Variants in ADAMTS19 observed in about 807,000 individuals in gnomAD.
ADAMTS19 encodes the protein A disintegrin and metalloproteinase with thrombospondin motifs 19.
Under a neutral mutation model 153.3 loss-of-function variants are expected in ADAMTS19, and 93 were observed. The ratio of observed to expected loss-of-function variants is 0.61; its 90% CI spans 0.51 to 0.72. The LOEUF is 0.72. Among genes scored for constraint, ADAMTS19 ranks in the 30% least tolerant of loss-of-function variants. The probability of loss-of-function intolerance (pLI) is 0.00; values close to 1 mark genes in which losing one functional copy is unlikely to be tolerated. For missense variants in ADAMTS19, 1,482 were observed against 1,552.1 expected, an observed-to-expected ratio of 0.95 and a Z score of 0.76; for synonymous variants, 600 against 556.6, an observed-to-expected ratio of 1.08 and a Z score of -1.10.
chr5:129,690,415 A>G (rs746554472), intron 18 of ADAMTS19, among the ~76,000 whole-genome samples: 1 of 152,232 alleles, frequency 6.6e-6, no homozygotes. Flanking sequence ...TGTTATGCTA[A>G]CAGTTAAATT....
At chr5:129,630,562 T>C (rs948002094) in intron 10 of ADAMTS19, among the ~76,000 whole-genome samples, 1 of 152,086 alleles carries the variant, frequency 6.6e-6, no homozygotes, top group Non-Finnish European at 1.5e-5. Context: ...ATTCATCTTT[T>C]AAAATTACAT....
intron 16 of ADAMTS19, among the ~76,000 whole-genome samples, chr5:129,673,632 T>G (rs1375290362): frequency 6.6e-6 from 1 of 152,200 alleles, no homozygotes; most frequent in African/African-American, 2.4e-5. Flanking sequence ...GTACAATCTC[T>G]AAATATCAAT....
chr5:129,627,054 G>C (rs1752082385), intron 10 of ADAMTS19, among the ~76,000 whole-genome samples: 1 of 151,956 alleles, frequency 6.6e-6, no homozygotes. Flanking sequence ...ATTCATTGTG[G>C]GTCATGTCGT....
intron 2 of ADAMTS19, among the ~76,000 whole-genome samples, chr5:129,465,192 A>G (rs73240466): frequency 0.048 from 7,316 of 152,268 alleles, 232 homozygotes; most frequent in African/African-American, 0.085. Flanking sequence ...AATACAACAC[A>G]TGAAGTACTT....
chr5:129,508,958 G>T (rs544811895), intron 2 of ADAMTS19, 119 bp from the exon 3 acceptor site: 2 of 752,730 alleles, frequency 2.7e-6, no homozygotes, highest in Non-Finnish European at 4.0e-6. Context: ...TGCTAAGTTA[G>T]TTTCACTAGA....
intron 2 of ADAMTS19, among the ~76,000 whole-genome samples, chr5:129,472,633 G>A (rs900958102): frequency 6.6e-6 from 1 of 152,006 alleles, no homozygotes; most frequent in Non-Finnish European, 1.5e-5. Context: ...AGCAACAGTT[G>A]AAATCTGCTT....
Position 129,679,844 on chromosome 5 carries a change from A to T in ADAMTS19, c.2587A>T (p.Thr863Ser). ...HSGAFNLAGT[T>S]VHYVRRGLWE... is the part of the protein sequence containing the mutation. ...TGGAGCCTTCAATTTGGCTGGAACT[A>T]CCGTTCATTATGTAAGACGAGGCCT... Residue 863 changes from threonine (T) to serine (S), a missense_variant, in exon 17 of 23, where the codon ACC (threonine) becomes TCC (serine). By Grantham distance (58) the Thr-to-Ser change is moderately conservative (BLOSUM62 1). Coordinates refer to ENST00000274487, the MANE Select transcript of ADAMTS19 (RefSeq NM_133638.6). The T allele has an allele frequency of 6.2e-7, 1 of 1,614,016 alleles. No individual in the cohort carries two copies. The highest frequency in any genetic ancestry group is 8.5e-7 in the Non-Finnish European group (1 of 1,179,920).
At chr5:129,721,736 C>G (rs1283604578) in intron 21 of ADAMTS19, among the ~76,000 whole-genome samples, 1 of 152,122 alleles carries the variant, frequency 6.6e-6, no homozygotes, top group Non-Finnish European at 1.5e-5. Flanking sequence ...AGCTATTTGT[C>G]CTGATGCTCT....
intron 8 of ADAMTS19, among the ~76,000 whole-genome samples, chr5:129,617,470 A>G (rs1281753761): frequency 6.6e-6 from 1 of 152,046 alleles, no homozygotes; most frequent in Non-Finnish European, 1.5e-5. Context: ...CCTCATTGGG[A>G]CACATTATTT....
At chr5:129,618,673 C>A (rs1751640172) in intron 8 of ADAMTS19, among the ~76,000 whole-genome samples, 1 of 151,876 alleles carries the variant, frequency 6.6e-6, no homozygotes, top group Non-Finnish European at 1.5e-5. Flanking sequence ...CTTTTAATTT[C>A]ATGTTTTAAA....
At chr5:129,654,749 C>A (rs911233901) in intron 14 of ADAMTS19, among the ~76,000 whole-genome samples, 1 of 151,948 alleles carries the variant, frequency 6.6e-6, no homozygotes, top group African/African-American at 2.4e-5. Flanking sequence ...ATATTTCAGA[C>A]CAAAAATTCA....
intron 7 of ADAMTS19, among the ~76,000 whole-genome samples, chr5:129,590,488 CTCCTT>C: frequency 6.6e-6 from 1 of 152,274 alleles, no homozygotes; most frequent in South Asian, 2.1e-4. Context: ...ATTACACTCA[CTCCTT>C]TCTCTTTCTA....
chr5:129,613,634 G>A (rs566806634), intron 8 of ADAMTS19, among the ~76,000 whole-genome samples: 1 of 152,268 alleles, frequency 6.6e-6, no homozygotes, highest in South Asian at 2.1e-4. Flanking sequence ...AATTAGTGAA[G>A]CAAGAGCAAA....
chr5:129,724,981 A>G (rs987939036), intron 21 of ADAMTS19, among the ~76,000 whole-genome samples: 6 of 152,062 alleles, frequency 3.9e-5, no homozygotes, highest in Non-Finnish European at 1.5e-5. Flanking sequence ...GCCTTTTCCT[A>G]TTGGCACAGT....
intron 2 of ADAMTS19, among the ~76,000 whole-genome samples, chr5:129,480,606 A>C (rs1238128534): frequency 6.6e-6 from 1 of 152,184 alleles, no homozygotes; most frequent in East Asian, 1.9e-4. Context: ...TCACTAAAGA[A>C]GATACCAGAT....
chr5:129,530,167 G>T (rs1752149467), intron 6 of ADAMTS19, among the ~76,000 whole-genome samples: 1 of 152,080 alleles, frequency 6.6e-6, no homozygotes. Context: ...AATGTCCAGA[G>T]TATAATAAAA....
intron 6 of ADAMTS19, among the ~76,000 whole-genome samples, chr5:129,535,646 A>T (rs1006738637): frequency 3.0e-4 from 46 of 152,228 alleles, no homozygotes; most frequent in Admixed American, 1.2e-3. Context: ...GCATCACGCT[A>T]GCTGACTTCA....
At chr5:129,522,252 C>T (rs1291443774) in intron 3 of ADAMTS19, among the ~76,000 whole-genome samples, 2 of 143,576 alleles carry the variant, frequency 1.4e-5, no homozygotes, top group African/African-American at 5.2e-5. Flanking sequence ...TATACACACA[C>T]ATAATATATA....
intron 18 of ADAMTS19, among the ~76,000 whole-genome samples, chr5:129,684,598 G>A (rs951799109): frequency 3.3e-5 from 5 of 152,040 alleles, no homozygotes; most frequent in Admixed American, 6.6e-5. Context: ...AGGTTGTTAG[G>A]TACTATTTAT....
Sources: allele counts gnomAD v4.1 joint callset (sites outside exome capture counted in the v4.1 genomes callset), GRCh38; gene constraint gnomAD v4.1.1; transcripts MANE v1.5; gene names NCBI Gene and HGNC (gene_info 2026-07-23, HGNC 2026-07-21).